The following XYLT1 variants were observed in gnomAD, a reference collection of about 807,000 sequenced individuals.
The protein encoded by XYLT1 is beta-D-xylosyltransferase 1.
Under a neutral mutation model 91.3 loss-of-function variants are expected in XYLT1, and 36 were observed. The observed-to-expected ratio is 0.39, with a 90% CI of 0.30 to 0.52. The LOEUF (loss-of-function observed/expected upper bound fraction) is 0.52, where lower values mean the gene tolerates loss of function less well. Ranked by LOEUF, XYLT1 falls within the 20% of genes least tolerant of loss-of-function variation. The probability of loss-of-function intolerance (pLI) is 0.68; values close to 1 mark genes in which losing one functional copy is unlikely to be tolerated. For missense variants in XYLT1, 1,242 were observed against 1,284.5 expected, an observed-to-expected ratio of 0.97 and a Z score of 0.51; for synonymous variants, 588 against 532.0, an observed-to-expected ratio of 1.11 and a Z score of -1.45.
intron 2 of XYLT1, among the ~76,000 whole-genome samples, chr16:17,324,352 G>A (rs371286955): frequency 2.0e-5 from 3 of 152,108 alleles, no homozygotes; most frequent in African/African-American, 4.8e-5. Flanking sequence ...TGACACATGC[G>A]GTGAGGACCT....
intron 2 of XYLT1, among the ~76,000 whole-genome samples, chr16:17,308,146 C>G (rs886967667): frequency 6.6e-6 from 1 of 152,136 alleles, no homozygotes; most frequent in Non-Finnish European, 1.5e-5. Context: ...CAAAGGGGCA[C>G]GGAGAATTGA....
intron 1 of XYLT1, among the ~76,000 whole-genome samples, chr16:17,365,295 G>C (rs879832938): frequency 2.0e-5 from 3 of 152,090 alleles, no homozygotes; most frequent in Non-Finnish European, 4.4e-5. Context: ...GTTGCATAAC[G>C]GGGCTTTCTC....
At chr16:17,331,540 C>T (rs941746823) in intron 2 of XYLT1, among the ~76,000 whole-genome samples, 16 of 152,156 alleles carry the variant, frequency 1.1e-4, no homozygotes, top group Admixed American at 3.3e-4. Flanking sequence ...GATTTGGTTG[C>T]GGTTGTACTG....
In XYLT1 at chr16:17,323,321, A is replaced by G. The variant is rs560797102; in HGVS notation, c.402+34691T>C. The stretch of plus-strand genomic sequence containing the variant: ...TCACGGAGATTAGACTAAAACAATT[A>G]CAACAGCTAATTAAAGAACAATGCG... On this transcript the variant is annotated intron_variant, in intron 2 of 11. Transcript: ENST00000261381. 2.0e-5 allele frequency among the ~76,000 whole-genome samples: 3 copies of G among 152,372 alleles called. No homozygotes were observed. The East Asian group carries it at 5.8e-4, about 29-fold the overall frequency.
chr16:17,427,327 C>A (rs2036331520), intron 1 of XYLT1, among the ~76,000 whole-genome samples: 1 of 152,398 alleles, frequency 6.6e-6, no homozygotes, highest in South Asian at 2.1e-4. Context: ...GAGACAGAGT[C>A]TGGCTCTGCC....
In XYLT1 at chr16:17,382,021, T is replaced by G. The variant is rs577354287; in HGVS notation, c.364-23971A>C. On this transcript the variant is annotated intron_variant, in intron 1 of 11. Transcript: ENST00000261381. ...GGCACAGAGAGGCCACCTTCCAGAA[T>G]TGGGATGAGGGCAGGGATGATTCCA... Among the ~76,000 whole-genome samples the G allele has an allele frequency of 2.0e-5, 3 of 151,936 alleles. No homozygotes were observed. In the South Asian group the frequency reaches 6.2e-4, roughly 32 times the overall value.
intron 3 of XYLT1, among the ~76,000 whole-genome samples, chr16:17,222,715 G>A (rs1349765089): frequency 6.6e-6 from 1 of 150,656 alleles, no homozygotes; most frequent in African/African-American, 2.5e-5. Flanking sequence ...AATTGAACCC[G>A]GGAGGCAGAG....
rs1212026496 is a variant in XYLT1 at position 17,185,082 on chromosome 16, CTGTT to C, written c.1289+13126_1289+13129del. ...GATCTCCGAGAACTCTAGGCTCACT[CTGTT>C]TGTCCAGCCGATGGTCTAGGTCACT... On this transcript the variant is annotated intron_variant, in intron 5 of 11. Coordinates refer to ENST00000261381, the MANE Select transcript of XYLT1 (RefSeq NM_022166.4). Among the ~76,000 whole-genome samples the C allele has an allele frequency of 4.6e-5, 7 of 152,300 alleles. No individual in the cohort carries two copies. The East Asian group carries it at 1.4e-3, about 29-fold the overall frequency.
intron 11 of XYLT1, among the ~76,000 whole-genome samples, chr16:17,115,400 C>A (rs1966849932): frequency 6.9e-6 from 1 of 143,914 alleles, no homozygotes; most frequent in Admixed American, 7.0e-5. Flanking sequence ...GAGAGAATTA[C>A]TTGAGCCCAG....
At chr16:17,450,584 C>G (rs1001094578) in intron 1 of XYLT1, among the ~76,000 whole-genome samples, 2 of 152,060 alleles carry the variant, frequency 1.3e-5, no homozygotes, top group Non-Finnish European at 2.9e-5. Context: ...CACAAGGGAC[C>G]CAGAATCCCT....
chr16:17,134,955 ACTTAGTAAGCATCATTT>A (rs971663787), intron 8 of XYLT1, among the ~76,000 whole-genome samples: 28 of 152,352 alleles, frequency 1.8e-4, no homozygotes, highest in Non-Finnish European at 2.8e-4. Flanking sequence ...AATGATAGGC[ACTTAGTAAGCATCATTT>A]CTTAGTAAGC....
Position 17,108,801 on chromosome 16 carries a change from G to C in XYLT1, c.2774C>G (p.Thr925Arg). The change falls in exon 12 of 12, where the codon ACA becomes AGA. Residue 925 changes from threonine to arginine, a missense_variant. Around this residue, in one of 3 missense-constraint regions of XYLT1, gnomAD observed 511 missense variants for 497.0 expected, o/e 1.03. Coordinates refer to ENST00000261381, the MANE Select transcript of XYLT1 (RefSeq NM_022166.4). ...GCAGGTCTGCATGACCGGGCAGGCT[G>C]TGGGGCCCGTGGCACAGATGTCCAT... is the stretch of plus-strand genomic sequence containing the variant. ...TAMDICATGP[T>R]ACPVMQTCSQ... is the part of the protein sequence containing the mutation. The C allele has an allele frequency of 6.2e-7, 1 of 1,611,906 alleles. No homozygotes were observed. Among genetic ancestry groups the C allele is most frequent in the African/African-American group, 1.3e-5 (1 of 75,056 alleles).
chr16:17,391,240 A>G (rs6498700), intron 1 of XYLT1, among the ~76,000 whole-genome samples: 81,055 of 151,884 alleles, frequency 0.53, 23,270 homozygotes, highest in African/African-American at 0.72. Context: ...ACTTGATATG[A>G]ACTAGGGGAA....
At chr16:17,109,503 T>A (rs149054667) in intron 11 of XYLT1, among the ~76,000 whole-genome samples, 1 of 152,094 alleles carries the variant, frequency 6.6e-6, no homozygotes, top group Non-Finnish European at 1.5e-5. Flanking sequence ...AATAAGTAGA[T>A]AAATAAGGTT....
chr16:17,242,074 A>T (rs1413621978), intron 3 of XYLT1, among the ~76,000 whole-genome samples: 3 of 152,188 alleles, frequency 2.0e-5, no homozygotes, highest in Non-Finnish European at 4.4e-5. Flanking sequence ...TAAGAACAGC[A>T]AAAGAAAGAC....
At chr16:17,329,625 T>G (rs1419291929) in intron 2 of XYLT1, among the ~76,000 whole-genome samples, 2 of 152,092 alleles carry the variant, frequency 1.3e-5, no homozygotes, top group East Asian at 1.9e-4. Flanking sequence ...AAATAAACAC[T>G]CATGGAAGTA....
At chr16:17,467,665 C>T (rs999856852) in intron 1 of XYLT1, among the ~76,000 whole-genome samples, 10 of 152,138 alleles carry the variant, frequency 6.6e-5, no homozygotes, top group Admixed American at 1.3e-4. Flanking sequence ...GGCCTTCCAC[C>T]GAAGCGCAGC....
chr16:17,254,676 T>G (rs2033601030), intron 3 of XYLT1, among the ~76,000 whole-genome samples: 1 of 152,350 alleles, frequency 6.6e-6, no homozygotes, highest in South Asian at 2.1e-4. Flanking sequence ...ATTACAGGCA[T>G]GAGCCACCGT....
rs930328815 is a variant in XYLT1, at chr16:17,141,479, C to T, written c.1371-110G>A. On this transcript the variant is annotated intron_variant, in intron 6 of 11. Coordinates refer to ENST00000261381, the MANE Select transcript of XYLT1 (RefSeq NM_022166.4). The stretch of plus-strand genomic sequence containing the variant: ...TAGCGATGATGGCAATTATTGAGTG[C>T]CTGCTGTGTGCCAGGTACTGCTCCA... 3.7e-6 allele frequency: 4 copies of T among 1,090,808 alleles called. No homozygotes were observed. The African/African-American group carries it at 6.3e-5, about 17-fold the overall frequency. The allele number at this position is 1,090,808 out of a possible 1,614,324, so 67.6% of individuals were successfully genotyped here.
Sources: gnomAD v4.1 joint callset for allele counts (sites outside exome capture counted in the v4.1 genomes callset) on GRCh38, gnomAD v4.1.1 for gene constraint, gnomAD v4.1.1 regional missense constraint, MANE v1.5 for transcripts, NCBI Gene and HGNC (gene_info 2026-07-23, HGNC 2026-07-21) for gene names.